Variants in ADCY6 observed in about 807,000 individuals in gnomAD.
ADCY6 encodes the protein adenylate cyclase 6.
A neutral mutation model predicts 111.6 loss-of-function variants in ADCY6; 59 were observed. The ratio of observed to expected loss-of-function variants is 0.53; its 90% CI spans 0.43 to 0.66. ADCY6 has a LOEUF of 0.66. ADCY6 is among the 30% of genes least tolerant of loss of function. The pLI, the probability that ADCY6 is intolerant of heterozygous loss-of-function variation, is 0.00. For missense variants in ADCY6, 1,242 were observed against 1,595.6 expected (o/e 0.78, Z 3.78); for synonymous variants, 576 against 642.9 (o/e 0.90, Z 1.57).
Position 48,783,315 on chromosome 12 carries a change from C to T in ADCY6, c.120G>A (p.Thr40=), listed in dbSNP as rs934935412. 22 of 1,613,512 alleles carry T rather than the reference C, an allele frequency of 1.4e-5. No homozygotes were observed. The highest frequency in any genetic ancestry group is 4.0e-5 in the African/African-American group (3 of 74,938). ...CCCGGAGGCAGCTCATATAGCGGGG[C>T]GTGCAGAAGCCACCTGCCCGAGTGC... The part of the protein sequence containing the change: ...RRGTRAGGFC[T]PRYMSCLRDA... Residue 40 remains threonine (T), a synonymous_variant, in exon 2 of 22, where the codon ACG becomes ACA. Coordinates refer to ENST00000357869, the MANE Select transcript of ADCY6 (RefSeq NM_015270.5).
Position 48,767,556 on chromosome 12 carries a change from CAA to C in ADCY6, c.*1033_*1034del, listed in dbSNP as rs575573725. ...AGACCAACATGCACACACAGTTACA[CAA>C]ACACACGGGCCCTCCCCAACACCAG... On this transcript the variant is annotated 3_prime_UTR_variant, in exon 22 of 22. Coordinates refer to ENST00000357869, the MANE Select transcript of ADCY6 (RefSeq NM_015270.5). The C allele has an allele frequency of 4.2e-4, 64 of 152,862 alleles. No homozygotes were observed. Among genetic ancestry groups the C allele is most frequent in the Admixed American group, 3.6e-3 (55 of 15,300 alleles). The allele number at this position is 152,862 out of a possible 1,614,324, so 9.5% of individuals were successfully genotyped here.
chr12:48,779,547 TG>T (rs1941791559), intron 2 of ADCY6, among the ~76,000 whole-genome samples: 2 of 151,788 alleles, frequency 1.3e-5, no homozygotes, highest in Non-Finnish European at 2.9e-5. Flanking sequence ...CCCCTCAAGG[TG>T]TAACTCCCTC....
intron 1 of ADCY6, among the ~76,000 whole-genome samples, chr12:48,785,401 C>T: frequency 6.6e-6 from 1 of 152,166 alleles, no homozygotes. Context: ...GAGTGGATCA[C>T]CTGAGGTCAG....
At chr12:48,784,670 T>G (rs1410636281) in intron 1 of ADCY6, among the ~76,000 whole-genome samples, 1 of 135,322 alleles carries the variant, frequency 7.4e-6, no homozygotes, top group Non-Finnish European at 1.6e-5. Flanking sequence ...CTGGAGTTTT[T>G]TTTTTTTTTT....
intron 2 of ADCY6, among the ~76,000 whole-genome samples, chr12:48,780,896 A>G (rs1941824960): frequency 6.6e-6 from 1 of 152,210 alleles, no homozygotes; most frequent in Non-Finnish European, 1.5e-5. Context: ...TTAAAAAGGT[A>G]CGTTCTGGCA....
chr12:48,775,416 C>T lies in ADCY6; in HGVS notation c.1867G>A (p.Glu623Lys). The change falls in exon 11 of 22, where the codon GAG (glutamate) becomes AAG (lysine). Residue 623 changes from glutamate to lysine, a missense_variant. Glu to Lys is a moderately conservative substitution (Grantham distance 56). Transcript: ENST00000357869. The part of the protein sequence containing the change: ...GTQDALNPED[E>K]VDEFLSRAID... ...GCACGGCTCAGGAACTCATCCACCTCATCCTCAGGGTTCAGGGCATCTTGG... is the reference window on the plus strand; with the variant it reads ...GCACGGCTCAGGAACTCATCCACCTTATCCTCAGGGTTCAGGGCATCTTGG... 1 of 1,614,174 alleles carries T rather than the reference C, an allele frequency of 6.2e-7. No individual in the cohort carries two copies. Among genetic ancestry groups the T allele is most frequent in the Non-Finnish European group, 8.5e-7 (1 of 1,180,036 alleles).
At chr12:48,773,427 G>A in intron 16 of ADCY6, 42 bp downstream of exon 16, 1 of 1,594,664 alleles carries the variant, frequency 6.3e-7, no homozygotes, top group Non-Finnish European at 8.6e-7. Context: ...AGAAAGGTGA[G>A]GGAAGCTCCT....
intron 3 of ADCY6, 43 bp downstream of exon 3, chr12:48,778,065 G>C (rs767626678): frequency 1.3e-5 from 20 of 1,574,328 alleles, no homozygotes; most frequent in Non-Finnish European, 1.6e-5. Context: ...AGTTATTTGG[G>C]GGTAAGGTGG....
intron 11 of ADCY6, 109 bp from the exon 12 acceptor site, chr12:48,775,163 C>A: frequency 6.9e-7 from 1 of 1,457,494 alleles, no homozygotes; most frequent in East Asian, 2.4e-5. Context: ...GCAGTTGGCT[C>A]AACTGATGAA....
chr12:48,782,886 C>T lies in ADCY6; in HGVS notation c.549G>A (p.Leu183=). The part of the protein sequence containing the change: ...PARPQPAYVA[L]LACAAALFVG... ...CGAACAGGGCGGCGGCACAGGCCAACAGTGCCACATAGGCAGGCTGAGGGC... is the reference window on the plus strand; with the variant it reads ...CGAACAGGGCGGCGGCACAGGCCAATAGTGCCACATAGGCAGGCTGAGGGC... Residue 183 remains leucine, a synonymous_variant, in exon 2 of 22, where the codon CTG becomes CTA. Transcript: ENST00000357869. This position sits in a 1 kb window ranked among gnomAD's most constrained non-coding sequence, Gnocchi z 4.3. 6.2e-7 allele frequency: 1 copy of T among 1,613,974 alleles called. No individual in the cohort carries two copies. The highest frequency in any genetic ancestry group is 8.5e-7 in the Non-Finnish European group (1 of 1,179,958).
chr12:48,775,820 G>T lies in ADCY6; in HGVS notation c.1807-122C>A. On this transcript the variant is annotated intron_variant, in intron 9 of 21. Coordinates refer to ENST00000357869, the MANE Select transcript of ADCY6 (RefSeq NM_015270.5). Reference sequence around the variant, plus strand: ...CCGTCATATCCTCTGGGGGCACTGGGACCCGAGATGAAATCTTCTCACTGC... The same window carrying T: ...CCGTCATATCCTCTGGGGGCACTGGTACCCGAGATGAAATCTTCTCACTGC... 5 of 1,508,756 alleles carry T rather than the reference G, an allele frequency of 3.3e-6. No homozygotes were observed. The South Asian group carries it at 6.0e-5, about 18-fold the overall frequency. 93.5% of individuals were successfully genotyped at this position (1,508,756 alleles called of 1,614,324 possible).
At chr12:48,778,036 G>A in intron 3 of ADCY6, 72 bp downstream of exon 3, 1 of 1,535,050 alleles carries the variant, frequency 6.5e-7, no homozygotes, top group Non-Finnish European at 8.8e-7. Context: ...ACTGGACAAG[G>A]CAGCAGATCC....
rs554795434 is a variant in ADCY6, at chr12:48,781,085, C to T, written c.864+1486G>A. ...TGGTGGCGCGCTCCTGTAGTCCCAG[C>T]TACTCAGGAGGCCGAGGCAGGAGAA... is the stretch of plus-strand genomic sequence containing the variant. On this transcript the variant is annotated intron_variant, in intron 2 of 21. Coordinates refer to ENST00000357869, the MANE Select transcript of ADCY6 (RefSeq NM_015270.5). 1.8e-3 allele frequency among the ~76,000 whole-genome samples: 273 copies of T among 151,996 alleles called. 1 individual carries two copies. The highest frequency in any genetic ancestry group is 1.6e-3 in the Non-Finnish European group (111 of 67,976).
intron 1 of ADCY6, among the ~76,000 whole-genome samples, chr12:48,784,833 T>C (rs1326379764): frequency 3.3e-5 from 5 of 151,790 alleles, no homozygotes; most frequent in African/African-American, 9.7e-5. Context: ...CCAGGGAAAT[T>C]TTTTCTATTT....
rs765099161 is a variant in ADCY6 at position 48,783,159 on chromosome 12, C to A, written c.276G>T (p.Glu92Asp). ...CCGCTGTCGTTGTCACCTCGGTATC[C>A]TCGAAGCCCAGGGCCACTGCCCGCA... is the stretch of plus-strand genomic sequence containing the variant. ...LGLRAVALGF[E>D]DTEVTTTAGG... is the part of the protein sequence containing the mutation. The change falls in exon 2 of 22, where the codon GAG (glutamate) becomes GAT (aspartate). Residue 92 changes from glutamate (E) to aspartate (D), a missense_variant. Coordinates refer to ENST00000357869, the MANE Select transcript of ADCY6 (RefSeq NM_015270.5). 7 of 1,607,206 alleles carry A rather than the reference C, an allele frequency of 4.4e-6. No individual in the cohort carries two copies. The highest frequency in any genetic ancestry group is 5.1e-6 in the Non-Finnish European group (6 of 1,179,562).
upstream of ADCY6, chr12:48,789,928 T>C (rs2137410568): frequency 6.6e-6 from 1 of 152,290 alleles, no homozygotes; most frequent in South Asian, 2.1e-4. Context: ...TGCTGGGGGT[T>C]GGAGGGGCTA....
At chr12:48,786,080 CCT>C (rs1426049376) in intron 1 of ADCY6, among the ~76,000 whole-genome samples, 1 of 152,168 alleles carries the variant, frequency 6.6e-6, no homozygotes, top group Non-Finnish European at 1.5e-5. Flanking sequence ...CACAGAGTAC[CCT>C]GAGGGGTCCC....
intron 1 of ADCY6, among the ~76,000 whole-genome samples, chr12:48,786,267 T>C (rs1941977815): frequency 6.6e-6 from 1 of 152,206 alleles, no homozygotes; most frequent in South Asian, 2.1e-4. Context: ...TGGGGAATTC[T>C]CTGCATACCC....
rs751518975 is a variant in ADCY6 at position 48,771,017 on chromosome 12, C to T, written c.3052-47G>A. On this transcript the variant is annotated intron_variant, in intron 19 of 21. Transcript: ENST00000357869. The surrounding 1 kb of genome is among the most constrained non-coding windows in gnomAD (Gnocchi z 4.3). Reference sequence around the variant, plus strand: ...GGCTGTCAAGGCAAAGACCCCAGACCCAGCCCTGCCCCAACACTCATTTCT... The same window carrying T: ...GGCTGTCAAGGCAAAGACCCCAGACTCAGCCCTGCCCCAACACTCATTTCT... The T allele has an allele frequency of 7.0e-6, 11 of 1,580,604 alleles. No homozygotes were observed. Among genetic ancestry groups the T allele is most frequent in the Non-Finnish European group, 8.6e-6 (10 of 1,156,536 alleles).
Sources: gnomAD v4.1 joint callset for allele counts (sites outside exome capture counted in the v4.1 genomes callset) on GRCh38, gnomAD v4.1.1 for gene constraint, Gnocchi (gnomAD v3.1) non-coding constraint, MANE v1.5 for transcripts, NCBI Gene and HGNC (gene_info 2026-07-23, HGNC 2026-07-21) for gene names.